GRK4: variants seen among roughly 807,000 people sequenced by gnomAD.
GRK4 encodes the protein G protein-coupled receptor kinase 2-like.
GRK4 carries 73 observed loss-of-function variants against 77.9 expected under a neutral mutation model. That is an observed-to-expected ratio of 0.94 (90% confidence interval 0.78 to 1.14). The LOEUF (loss-of-function observed/expected upper bound fraction) is 1.14, where lower values mean the gene tolerates loss of function less well. Among genes scored for constraint, GRK4 ranks in the 50% most tolerant of loss-of-function variants. The probability of loss-of-function intolerance (pLI) is 0.00; values close to 1 mark genes in which losing one functional copy is unlikely to be tolerated. For missense variants in GRK4, 729 were observed against 700.2 expected, an observed-to-expected ratio of 1.04 and a Z score of -0.46; for synonymous variants, 257 against 254.4, an observed-to-expected ratio of 1.01 and a Z score of -0.10.
At chr4:3,010,465 G>C (rs1055627415) in intron 7 of GRK4, among the ~76,000 whole-genome samples, 1 of 152,176 alleles carries the variant, frequency 6.6e-6, no homozygotes, top group East Asian at 1.9e-4. Context: ...GACCTCGGGT[G>C]ATCCGCCCTC....
chr4:3,036,184 G>A (rs909757647), intron 13 of GRK4, among the ~76,000 whole-genome samples: 1 of 152,188 alleles, frequency 6.6e-6, no homozygotes, highest in Non-Finnish European at 1.5e-5. Flanking sequence ...TCCCACAGCC[G>A]TGAGGCCCTG....
chr4:2,997,191 G>C (rs114818561), intron 4 of GRK4, among the ~76,000 whole-genome samples: 119 of 152,212 alleles, frequency 7.8e-4, no homozygotes, highest in African/African-American at 2.7e-3. Flanking sequence ...TTAAAATTCA[G>C]CCAAATTTGA....
chr4:3,018,425 T>C (rs1735161789), intron 8 of GRK4, among the ~76,000 whole-genome samples: 1 of 152,152 alleles, frequency 6.6e-6, no homozygotes. Flanking sequence ...TCCCAGCTTC[T>C]TGGGTGACTG....
intron 1 of GRK4, among the ~76,000 whole-genome samples, chr4:2,982,102 C>T (rs1723040781): frequency 6.6e-6 from 1 of 152,274 alleles, no homozygotes; most frequent in African/African-American, 2.4e-5. Flanking sequence ...GGCAGGGGGG[C>T]TTCCTGGGCT....
At chr4:2,965,368 C>T (rs1413682604) in intron 1 of GRK4, 2 of 702,916 alleles carry the variant, frequency 2.8e-6, no homozygotes, top group South Asian at 1.5e-5. Context: ...AGAGAGCTGG[C>T]GACAGAGCCT....
intron 8 of GRK4, 81 bp downstream of exon 8, chr4:3,013,909 C>T (rs1273793648): frequency 5.0e-6 from 7 of 1,398,804 alleles, no homozygotes; most frequent in African/African-American, 1.4e-5. Flanking sequence ...TCAGCTCACG[C>T]TCACTGAAGC....
chr4:2,973,825 C>G (rs1222311799), intron 1 of GRK4, among the ~76,000 whole-genome samples: 1 of 152,202 alleles, frequency 6.6e-6, no homozygotes, highest in African/African-American at 2.4e-5. Flanking sequence ...CCTCTGAACT[C>G]TCTTCATGGC....
At chr4:3,040,532 G>A (rs763601033) in intron 15 of GRK4, 40 bp from the exon 16 acceptor site, 33 of 1,572,906 alleles carry the variant, frequency 2.1e-5, no homozygotes, top group East Asian at 6.8e-5. Context: ...TGAAACCTTC[G>A]CATCAGCCGT....
intron 1 of GRK4, among the ~76,000 whole-genome samples, chr4:2,981,298 A>G (rs564866186): frequency 2.3e-4 from 35 of 152,342 alleles, no homozygotes; most frequent in African/African-American, 7.2e-4. Flanking sequence ...CAGTCCCACC[A>G]TTCAGTGGGT....
chr4:3,004,119 C>T, intron 4 of GRK4, 112 bp from the exon 5 acceptor site: 1 of 824,042 alleles, frequency 1.2e-6, no homozygotes. Context: ...GGCACTTTGA[C>T]TTTCATTTTA....
At chr4:3,013,601 G>A (rs948456754) in intron 7 of GRK4, 87 bp from the exon 8 acceptor site, 3 of 1,459,228 alleles carry the variant, frequency 2.1e-6, no homozygotes, top group South Asian at 2.8e-5. Flanking sequence ...CTGCCAGTGA[G>A]GGTCTCATCA....
chr4:3,000,771 T>C (rs6813023), intron 4 of GRK4, among the ~76,000 whole-genome samples: 2,475 of 152,158 alleles, frequency 0.016, 60 homozygotes, highest in African/African-American at 0.057. Flanking sequence ...GGTTTCACCA[T>C]GTTGGCCAGG....
At chr4:2,976,226 C>T (rs554132309) in intron 1 of GRK4, among the ~76,000 whole-genome samples, 2 of 151,918 alleles carry the variant, frequency 1.3e-5, no homozygotes, top group East Asian at 1.9e-4. Context: ...TCCTTCCCTT[C>T]TTCCTTGTTT....
At chr4:3,025,565 AT>A (rs1215071876) in intron 10 of GRK4, among the ~76,000 whole-genome samples, 1 of 149,376 alleles carries the variant, frequency 6.7e-6, no homozygotes, top group East Asian at 2.0e-4. Context: ...AATTTTTTAT[AT>A]TTTTTTTAGT....
chr4:3,027,038 G>A (rs1012175752), intron 10 of GRK4, among the ~76,000 whole-genome samples: 3 of 152,106 alleles, frequency 2.0e-5, no homozygotes, highest in South Asian at 4.1e-4. Context: ...GAATGTTTTC[G>A]ATAATTTCGT....
chr4:3,038,697 T>A, intron 15 of GRK4, 184 bp downstream of exon 15: 1 of 582,024 alleles, frequency 1.7e-6, no homozygotes, highest in Non-Finnish European at 3.0e-6. Flanking sequence ...ACCCTCGCAG[T>A]GAGGTTTGTT....
At chr4:3,001,348 CACACACAT>C (rs1384763453) in intron 4 of GRK4, among the ~76,000 whole-genome samples, 1 of 120,354 alleles carries the variant, frequency 8.3e-6, no homozygotes, top group Non-Finnish European at 1.7e-5. Context: ...CACACACACA[CACACACAT>C]ATATATATAT....
intron 3 of GRK4, among the ~76,000 whole-genome samples, chr4:2,990,818 TTA>T (rs1725933832): frequency 6.6e-6 from 1 of 152,116 alleles, no homozygotes; most frequent in Non-Finnish European, 1.5e-5. Flanking sequence ...CAGTTACAGG[TTA>T]TGTTTTTGTT....
At chr4:3,024,074 C>T (rs1456681886) in intron 10 of GRK4, among the ~76,000 whole-genome samples, 2 of 152,034 alleles carry the variant, frequency 1.3e-5, no homozygotes, top group East Asian at 3.8e-4. Flanking sequence ...CTGTCTTTCC[C>T]CAGTGCTAAC....
Sources: allele counts gnomAD v4.1 joint callset (sites outside exome capture counted in the v4.1 genomes callset), GRCh38; gene constraint gnomAD v4.1.1; transcripts MANE v1.5; gene names NCBI Gene and HGNC (gene_info 2026-07-23, HGNC 2026-07-21).